Variants in SEMA3D observed in about 807,000 individuals in gnomAD.
SEMA3D encodes semaphorin-3D.
SEMA3D carries 84 observed loss-of-function variants against 100.1 expected under a neutral mutation model. That is an observed-to-expected ratio of 0.84 (90% confidence interval 0.70 to 1.01). The LOEUF is 1.01. Ranked by LOEUF, SEMA3D falls within the 50% of genes least tolerant of loss-of-function variation. SEMA3D has a pLI of 0.00. For missense variants in SEMA3D, 875 were observed against 934.1 expected, an observed-to-expected ratio of 0.94 and a Z score of 0.82; for synonymous variants, 312 against 320.7, an observed-to-expected ratio of 0.97 and a Z score of 0.29.
chr7:85,227,878 A>G, the SEMA3D span, among the ~76,000 whole-genome samples: 1 of 152,128 alleles, frequency 6.6e-6, no homozygotes, highest in African/African-American at 2.4e-5. Flanking sequence ...CTTGTGGTCA[A>G]TCATATTTTC....
chr7:85,125,516 A>G lies in SEMA3D; in HGVS notation c.-40-3585T>C, dbSNP rs540673168. Among the ~76,000 whole-genome samples the G allele has an allele frequency of 6.6e-4, 101 of 152,220 alleles. 2 individuals are homozygous for G. In the South Asian group the frequency reaches 0.021, roughly 31 times the overall value. Reference sequence around the variant, plus strand: ...CAAAGCCCTGCTTTCCTTACTACTAAGACATTCTGAGAAGTGCCCACGTGT... The same window carrying G: ...CAAAGCCCTGCTTTCCTTACTACTAGGACATTCTGAGAAGTGCCCACGTGT... On this transcript the variant is annotated intron_variant, in intron 2 of 18. Coordinates refer to ENST00000284136, the MANE Select transcript of SEMA3D (RefSeq NM_001384900.1).
chr7:85,003,050 A>G (rs1789696841), intron 18 of SEMA3D, among the ~76,000 whole-genome samples: 1 of 152,152 alleles, frequency 6.6e-6, no homozygotes, highest in Non-Finnish European at 1.5e-5. Flanking sequence ...GGATTAAAAA[A>G]TAAAGAAAGC....
chr7:85,053,223 T>C (rs1371824661), intron 9 of SEMA3D, among the ~76,000 whole-genome samples: 1 of 151,996 alleles, frequency 6.6e-6, no homozygotes, highest in Non-Finnish European at 1.5e-5. Context: ...AAAAAATCTT[T>C]GTAAAACTCA....
chr7:85,131,874 G>GT (rs1789733342), intron 2 of SEMA3D, among the ~76,000 whole-genome samples: 1 of 151,744 alleles, frequency 6.6e-6, no homozygotes, highest in Non-Finnish European at 1.5e-5. Context: ...AAGGTGTAAA[G>GT]TTTTTTAACA....
intron 2 of SEMA3D, among the ~76,000 whole-genome samples, chr7:85,126,412 T>TGTC (rs1562828177): frequency 4.8e-5 from 7 of 145,706 alleles, no homozygotes; most frequent in Admixed American, 2.0e-4. Flanking sequence ...GTCGTGTGTG[T>TGTC]GTGTGTGTGT....
chr7:85,213,956 T>G, the SEMA3D span, among the ~76,000 whole-genome samples: 2 of 152,178 alleles, frequency 1.3e-5, no homozygotes, highest in African/African-American at 4.8e-5. Context: ...TTTAGCATCA[T>G]TGAAAACATG....
chr7:85,048,402 G>A (rs1012639951), intron 9 of SEMA3D, among the ~76,000 whole-genome samples: 4 of 151,722 alleles, frequency 2.6e-5, no homozygotes, highest in African/African-American at 9.7e-5. Flanking sequence ...ACTCAGGGTG[G>A]TCTATTCAGA....
intron 17 of SEMA3D, among the ~76,000 whole-genome samples, chr7:85,011,298 A>G (rs1424238308): frequency 6.6e-6 from 1 of 151,818 alleles, no homozygotes; most frequent in Non-Finnish European, 1.5e-5. Flanking sequence ...TGGCCGTTGG[A>G]TTTGGCAAGG....
At chr7:85,036,669 G>T (rs781369876) in intron 12 of SEMA3D, among the ~76,000 whole-genome samples, 1 of 151,806 alleles carries the variant, frequency 6.6e-6, no homozygotes, top group Non-Finnish European at 1.5e-5. Context: ...CATTGTCCCC[G>T]TGGTTAGATA....
At chr7:85,107,953 A>G (rs1788980154) in intron 3 of SEMA3D, among the ~76,000 whole-genome samples, 1 of 151,988 alleles carries the variant, frequency 6.6e-6, no homozygotes, top group Admixed American at 6.6e-5. Flanking sequence ...GATGCTGCCT[A>G]TTTCATTTTC....
chr7:85,140,318 T>C, intron 2 of SEMA3D: 2 of 982,724 alleles, frequency 2.0e-6, no homozygotes, highest in Non-Finnish European at 2.4e-6. Flanking sequence ...AGAGTGAAAA[T>C]GCACGGCATT....
intron 12 of SEMA3D, 141 bp downstream of exon 12, chr7:85,036,748 G>T: frequency 1.6e-6 from 1 of 614,632 alleles, no homozygotes; most frequent in Non-Finnish European, 2.6e-6. Flanking sequence ...TTCAATGAAG[G>T]ATGAAAATGC....
intron 3 of SEMA3D, among the ~76,000 whole-genome samples, chr7:85,100,703 A>C (rs1057105370): frequency 6.6e-6 from 1 of 151,934 alleles, no homozygotes; most frequent in African/African-American, 2.4e-5. Context: ...TCCGTCTATC[A>C]ACAATGGGCT....
chr7:85,150,619 T>C (rs989684281), intron 2 of SEMA3D, among the ~76,000 whole-genome samples: 1 of 151,412 alleles, frequency 6.6e-6, no homozygotes, highest in Admixed American at 6.6e-5. Context: ...TGCAATGTAC[T>C]AATCAATTTA....
At chr7:85,246,292 A>G in the SEMA3D span, among the ~76,000 whole-genome samples, 3 of 152,080 alleles carry the variant, frequency 2.0e-5, no homozygotes, top group Non-Finnish European at 4.4e-5. Context: ...CATTCAGATG[A>G]GTTGTAATTT....
intron 2 of SEMA3D, chr7:85,141,632 C>G (rs1790054711): frequency 1.0e-6 from 1 of 984,288 alleles, no homozygotes; most frequent in African/African-American, 1.7e-5. Context: ...CATATTCTTT[C>G]ACCCATCAGA....
intron 17 of SEMA3D, among the ~76,000 whole-genome samples, chr7:85,009,532 C>G (rs1481253576): frequency 6.6e-6 from 1 of 151,302 alleles, no homozygotes; most frequent in Non-Finnish European, 1.5e-5. Flanking sequence ...TTATTTGCCT[C>G]TAGTGTTTCA....
chr7:85,238,776 G>A, the SEMA3D span, among the ~76,000 whole-genome samples: 10 of 152,162 alleles, frequency 6.6e-5, no homozygotes, highest in Non-Finnish European at 1.0e-4. Flanking sequence ...TGTAGATCAC[G>A]TTGGGAAGAA....
chr7:85,039,633 C>G (rs1355193919), intron 11 of SEMA3D, among the ~76,000 whole-genome samples: 1 of 152,132 alleles, frequency 6.6e-6, no homozygotes, highest in Admixed American at 6.6e-5. Context: ...AAAAAGAAGA[C>G]AGAAATACAG....
Sources: gnomAD v4.1 joint callset for allele counts (sites outside exome capture counted in the v4.1 genomes callset) on GRCh38, gnomAD v4.1.1 for gene constraint, MANE v1.5 for transcripts, NCBI Gene and HGNC (gene_info 2026-07-23, HGNC 2026-07-21) for gene names.